ENTHD1: variants seen among roughly 807,000 people sequenced by gnomAD.
The protein encoded by ENTHD1 is ENTH domain containing 1.
In ENTHD1, 23 loss-of-function variants were observed where a neutral mutation model predicts 39.1. The observed-to-expected ratio is 0.59, with a 90% CI of 0.42 to 0.83. The LOEUF is 0.83. ENTHD1 is among the 40% of genes least tolerant of loss of function. The pLI, the probability that ENTHD1 is intolerant of heterozygous loss-of-function variation, is 0.00. For missense variants in ENTHD1, 624 were observed against 705.4 expected, an observed-to-expected ratio of 0.88 and a Z score of 1.31; for synonymous variants, 230 against 258.2, an observed-to-expected ratio of 0.89 and a Z score of 1.05.
intron 5 of ENTHD1, among the ~76,000 whole-genome samples, chr22:39,813,972 T>G (rs2065713135): frequency 6.6e-6 from 1 of 152,082 alleles, no homozygotes. Flanking sequence ...AATACATAAG[T>G]ACCTAGGACT....
chr22:39,796,973 G>T (rs1003683166), intron 5 of ENTHD1, among the ~76,000 whole-genome samples: 2 of 152,166 alleles, frequency 1.3e-5, no homozygotes, highest in African/African-American at 4.8e-5. Flanking sequence ...AGGTGTTAAA[G>T]TCTCCAACTA....
chr22:39,832,161 T>G (rs1286003662), intron 4 of ENTHD1, among the ~76,000 whole-genome samples: 1 of 151,946 alleles, frequency 6.6e-6, no homozygotes, highest in Non-Finnish European at 1.5e-5. Flanking sequence ...CTACAAAATA[T>G]TTTTAAAATT....
intron 5 of ENTHD1, among the ~76,000 whole-genome samples, chr22:39,780,375 C>CAA (rs34934042): frequency 0.37 from 49,019 of 133,836 alleles, 10,201 homozygotes; most frequent in Middle Eastern, 0.5. Context: ...AGACTAGTCT[C>CAA]AAAAAAAAAA....
chr22:39,814,295 C>CAAA (rs77915572), intron 5 of ENTHD1, among the ~76,000 whole-genome samples: 111 of 97,714 alleles, frequency 1.1e-3, no homozygotes, highest in African/African-American at 3.8e-3. Context: ...CCCATCTCTA[C>CAAA]AAAAAAAAAA....
At chr22:39,822,629 T>A (rs1294149510) in intron 4 of ENTHD1, among the ~76,000 whole-genome samples, 1 of 152,228 alleles carries the variant, frequency 6.6e-6, no homozygotes, top group Non-Finnish European at 1.5e-5. Flanking sequence ...TTCTCCTGCA[T>A]ACGGATTATT....
intron 3 of ENTHD1, among the ~76,000 whole-genome samples, chr22:39,849,683 A>G (rs1296913773): frequency 1.3e-5 from 2 of 152,160 alleles, no homozygotes; most frequent in African/African-American, 4.8e-5. Context: ...CTTAAAAATT[A>G]TGTTTAATAT....
intron 5 of ENTHD1, among the ~76,000 whole-genome samples, chr22:39,812,642 G>A (rs772168173): frequency 2.6e-5 from 4 of 152,188 alleles, no homozygotes; most frequent in Non-Finnish European, 5.9e-5. Flanking sequence ...TCAACAACAT[G>A]ACTGCTCCTC....
chr22:39,744,602 G>A (rs1374931389), intron 6 of ENTHD1, among the ~76,000 whole-genome samples: 1 of 152,116 alleles, frequency 6.6e-6, no homozygotes, highest in African/African-American at 2.4e-5. Flanking sequence ...GAGTAGAAAA[G>A]TATTAAACCC....
Position 39,887,671 on chromosome 22 carries a change from A to G in ENTHD1, c.78T>C (p.Ser26=). The G allele has an allele frequency of 6.2e-7, 1 of 1,605,126 alleles. No homozygotes were observed. Among genetic ancestry groups the G allele is most frequent in the Non-Finnish European group, 8.5e-7 (1 of 1,177,116 alleles). ...AACTAGAGGGACCCCAAGGGTCGTT[A>G]GAAGTTGCTTCCCTGACTTTTATTT... ...DAEIKVREAT[S]NDPWGPSSSL... is the part of the protein sequence containing the mutation. Residue 26 remains serine (S), a synonymous_variant, in exon 2 of 7, where the codon TCT becomes TCC. Coordinates refer to ENST00000325157, the MANE Select transcript of ENTHD1 (RefSeq NM_152512.4).
intron 3 of ENTHD1, among the ~76,000 whole-genome samples, chr22:39,845,420 C>G (rs1389599710): frequency 2.0e-5 from 3 of 152,108 alleles, no homozygotes; most frequent in Non-Finnish European, 4.4e-5. Context: ...TGAGAGCTGC[C>G]TAAGCATCAG....
chr22:39,852,080 C>T (rs2066044858), intron 3 of ENTHD1, among the ~76,000 whole-genome samples: 1 of 152,064 alleles, frequency 6.6e-6, no homozygotes. Context: ...CTCCTGTAAT[C>T]CTAGCACTGT....
intron 3 of ENTHD1, among the ~76,000 whole-genome samples, chr22:39,848,672 C>T (rs547013871): frequency 1.2e-4 from 19 of 152,228 alleles, no homozygotes; most frequent in Admixed American, 5.9e-4. Context: ...GTTCTGTCCA[C>T]GCTCAAAGGG....
intron 3 of ENTHD1, among the ~76,000 whole-genome samples, chr22:39,859,952 T>C (rs987828075): frequency 6.6e-5 from 10 of 152,202 alleles, no homozygotes; most frequent in African/African-American, 9.7e-5. Context: ...CCTCACTTCA[T>C]TCAGGTCTGT....
chr22:39,806,327 C>G (rs992014376), intron 5 of ENTHD1, among the ~76,000 whole-genome samples: 5 of 152,172 alleles, frequency 3.3e-5, no homozygotes, highest in African/African-American at 1.2e-4. Flanking sequence ...CAAGTGTCAA[C>G]TAGGGATGAG....
chr22:39,880,010 T>C (rs1445430958), intron 2 of ENTHD1, among the ~76,000 whole-genome samples: 4 of 152,204 alleles, frequency 2.6e-5, no homozygotes, highest in Non-Finnish European at 5.9e-5. Context: ...GGAGGATTGC[T>C]TGAGGCCACA....
At chr22:39,749,580 CTT>C (rs954695835) in intron 6 of ENTHD1, among the ~76,000 whole-genome samples, 8 of 152,308 alleles carry the variant, frequency 5.3e-5, no homozygotes, top group Non-Finnish European at 7.4e-5. Flanking sequence ...GGCAGAAGGT[CTT>C]TGGTCAACTA....
In ENTHD1 at chr22:39,887,897, C is replaced by G. The variant is rs55806804; in HGVS notation, c.-149G>C. 1.8e-6 allele frequency: 1 copy of G among 561,938 alleles called. No homozygotes were observed. Among genetic ancestry groups the G allele is most frequent in the Non-Finnish European group, 2.9e-6 (1 of 340,156 alleles). 34.8% of individuals were successfully genotyped at this position (561,938 alleles called of 1,614,324 possible). On this transcript the variant is annotated 5_prime_UTR_variant, in exon 2 of 7. Transcript: ENST00000325157. ...ATTAATCTCTATGTTGATAAAGTAT[C>G]AATTTCCTGCAAGGAAAGCACAAAA...
intron 2 of ENTHD1, among the ~76,000 whole-genome samples, chr22:39,885,240 A>G (rs1467410329): frequency 6.6e-6 from 1 of 152,244 alleles, no homozygotes; most frequent in Non-Finnish European, 1.5e-5. Context: ...AACGACATGA[A>G]AAGATGTTCA....
chr22:39,772,803 G>A (rs1051492707), intron 5 of ENTHD1, among the ~76,000 whole-genome samples: 1 of 151,988 alleles, frequency 6.6e-6, no homozygotes, highest in African/African-American at 2.4e-5. Flanking sequence ...ACCATGGAAC[G>A]ATAAGTATAA....
Sources: gnomAD v4.1 joint callset for allele counts (sites outside exome capture counted in the v4.1 genomes callset) on GRCh38, gnomAD v4.1.1 for gene constraint, MANE v1.5 for transcripts, NCBI Gene and HGNC (gene_info 2026-07-23, HGNC 2026-07-21) for gene names.